Variants in PLPP4 observed in about 807,000 individuals in gnomAD.
PLPP4 encodes diacylglycerol pyrophosphate like 2.
Under a neutral mutation model 32.2 loss-of-function variants are expected in PLPP4, and 20 were observed. That is an observed-to-expected ratio of 0.62 (90% CI 0.44 to 0.90). The LOEUF (loss-of-function observed/expected upper bound fraction) is 0.90. Among genes scored for constraint, PLPP4 ranks in the 40% least tolerant of loss-of-function variants. The pLI is 0.00. For synonymous variants in PLPP4, 127 were observed against 133.0 expected (o/e 0.95, Z 0.31); for missense variants, 257 against 353.1 (o/e 0.73, Z 2.18).
chr10:120,570,750 AT>A (rs1778631219), intron 5 of PLPP4, among the ~76,000 whole-genome samples: 1 of 152,084 alleles, frequency 6.6e-6, no homozygotes, highest in African/African-American at 2.4e-5. Flanking sequence ...AGAATTAGTG[AT>A]TCCTTTTCAG....
intron 1 of PLPP4, among the ~76,000 whole-genome samples, chr10:120,466,210 G>C (rs1472226114): frequency 6.6e-6 from 1 of 152,118 alleles, no homozygotes; most frequent in Non-Finnish European, 1.5e-5. Context: ...GACAGGGCCT[G>C]GCAAATGGGT....
At chr10:120,567,367 G>A (rs1357647078) in intron 5 of PLPP4, among the ~76,000 whole-genome samples, 1 of 152,160 alleles carries the variant, frequency 6.6e-6, no homozygotes, top group Non-Finnish European at 1.5e-5. Flanking sequence ...TTATTTGTAT[G>A]TTGAATTTCT....
rs571682873 is a variant in PLPP4, at chr10:120,543,199, C to T, written c.445+22104C>T. On this transcript the variant is annotated intron_variant, in intron 5 of 6. Transcript: ENST00000398250. ...GGGATAGAGCCGGGGGTCCCAGGGA[C>T]ACCCAGGGGACTAGAGTCAGTGTCT... 5.9e-5 allele frequency among the ~76,000 whole-genome samples: 9 copies of T among 152,296 alleles called. No homozygotes were observed. In the East Asian group the frequency reaches 1.4e-3, roughly 23 times the overall value.
chr10:120,512,831 T>G (rs1288370911), intron 2 of PLPP4, among the ~76,000 whole-genome samples: 2 of 151,926 alleles, frequency 1.3e-5, no homozygotes, highest in Non-Finnish European at 2.9e-5. Context: ...AAAATACATT[T>G]AAAAAAGAAG....
intron 1 of PLPP4, among the ~76,000 whole-genome samples, chr10:120,501,520 A>G (rs1413500709): frequency 6.6e-6 from 1 of 152,180 alleles, no homozygotes; most frequent in African/African-American, 2.4e-5. Context: ...TCTATTTTAG[A>G]GATGAAGAAA....
intron 5 of PLPP4, among the ~76,000 whole-genome samples, chr10:120,563,497 G>A (rs1848527892): frequency 1.3e-5 from 2 of 151,930 alleles, no homozygotes; most frequent in Non-Finnish European, 2.9e-5. Flanking sequence ...TTTACCTAGA[G>A]TTATAAAAAT....
intron 5 of PLPP4, among the ~76,000 whole-genome samples, chr10:120,545,259 G>T (rs1388829473): frequency 1.3e-5 from 2 of 152,138 alleles, no homozygotes; most frequent in East Asian, 3.9e-4. Context: ...GAGGCCCAAG[G>T]CTTCCTCTTT....
chr10:120,563,961 C>T (rs898513164), intron 5 of PLPP4, among the ~76,000 whole-genome samples: 4 of 151,286 alleles, frequency 2.6e-5, no homozygotes, highest in African/African-American at 4.9e-5. Context: ...CTTTGAGCCT[C>T]TTTACTGTAT....
chr10:120,458,581 G>A (rs1220063129), intron 1 of PLPP4, among the ~76,000 whole-genome samples: 1 of 152,098 alleles, frequency 6.6e-6, no homozygotes, highest in African/African-American at 2.4e-5. Context: ...TTCATCCAGA[G>A]TATTTATTCA....
chr10:120,501,648 G>A (rs553054373), intron 1 of PLPP4, among the ~76,000 whole-genome samples: 1 of 152,326 alleles, frequency 6.6e-6, no homozygotes, highest in African/African-American at 2.4e-5. Context: ...AGTTGTTAAT[G>A]AGAAGAGTTA....
chr10:120,490,527 CAT>C (rs1445453052), intron 1 of PLPP4, among the ~76,000 whole-genome samples: 5 of 152,234 alleles, frequency 3.3e-5, no homozygotes, highest in Non-Finnish European at 7.3e-5. Flanking sequence ...TGAATGCTCA[CAT>C]GTTTGCAGCC....
chr10:120,483,361 T>G (rs1844299685), intron 1 of PLPP4, among the ~76,000 whole-genome samples: 1 of 152,216 alleles, frequency 6.6e-6, no homozygotes. Flanking sequence ...AAACTCCCCA[T>G]TCATATATAC....
chr10:120,525,482 T>A (rs924432226), intron 5 of PLPP4, among the ~76,000 whole-genome samples: 1 of 152,184 alleles, frequency 6.6e-6, no homozygotes, highest in Non-Finnish European at 1.5e-5. Flanking sequence ...GTTCTTTCCG[T>A]TAGGTATGTA....
intron 1 of PLPP4, among the ~76,000 whole-genome samples, chr10:120,500,517 C>T (rs548520173): frequency 1.3e-5 from 2 of 152,260 alleles, no homozygotes; most frequent in Admixed American, 1.3e-4. Context: ...TTAGGACTCA[C>T]TTCTAACTGG....
chr10:120,589,586 G>C lies in PLPP4; in HGVS notation c.*84G>C, dbSNP rs1662085434. 1.8e-6 allele frequency: 2 copies of C among 1,097,446 alleles called. No homozygotes were observed. Among genetic ancestry groups the C allele is most frequent in the Non-Finnish European group, 2.6e-6 (2 of 766,328 alleles). The allele number at this position is 1,097,446 out of a possible 1,614,324, so 68.0% of individuals were successfully genotyped here. On this transcript the variant is annotated 3_prime_UTR_variant, in exon 7 of 7. Coordinates refer to ENST00000398250, the MANE Select transcript of PLPP4 (RefSeq NM_001030059.3). ...AACACAATAGAAATGGTTTTCTGTAGTGTATTTTTCATCAGTTGTTTCTCA... is the reference window on the plus strand; with the variant it reads ...AACACAATAGAAATGGTTTTCTGTACTGTATTTTTCATCAGTTGTTTCTCA...
At chr10:120,534,554 T>C (rs1045920453) in intron 5 of PLPP4, among the ~76,000 whole-genome samples, 5 of 152,118 alleles carry the variant, frequency 3.3e-5, no homozygotes, top group Admixed American at 2.6e-4. Context: ...CCTCTCTTAT[T>C]ACTTCTTCAG....
chr10:120,515,803 A>G (rs911040663), intron 3 of PLPP4, among the ~76,000 whole-genome samples: 11 of 152,200 alleles, frequency 7.2e-5, no homozygotes, highest in African/African-American at 2.7e-4. Context: ...CCTTTAGTTC[A>G]TTCTTTATTC....
intron 6 of PLPP4, among the ~76,000 whole-genome samples, chr10:120,576,618 A>T (rs547476482): frequency 7.2e-5 from 11 of 152,254 alleles, no homozygotes; most frequent in Non-Finnish European, 1.3e-4. Flanking sequence ...GGGCTGGAGG[A>T]TGAAGGGTAT....
chr10:120,507,787 G>A (rs1399587662), intron 2 of PLPP4, among the ~76,000 whole-genome samples: 1 of 152,148 alleles, frequency 6.6e-6, no homozygotes, highest in Non-Finnish European at 1.5e-5. Flanking sequence ...TAGACTGGGG[G>A]TAGCTTTAGA....
Sources: allele counts gnomAD v4.1 joint callset (sites outside exome capture counted in the v4.1 genomes callset), GRCh38; gene constraint gnomAD v4.1.1; transcripts MANE v1.5; gene names NCBI Gene and HGNC (gene_info 2026-07-23, HGNC 2026-07-21).